Variants in ATE1 observed in about 807,000 individuals in gnomAD.
The protein encoded by ATE1 is arginyltransferase 1.
A neutral mutation model predicts 70.5 loss-of-function variants in ATE1; 36 were observed. The observed-to-expected ratio is 0.51, with a 90% CI of 0.39 to 0.67. ATE1 has a LOEUF of 0.67. Ranked by LOEUF, ATE1 falls within the 30% of genes least tolerant of loss-of-function variation. The probability of loss-of-function intolerance (pLI) is 0.00; values close to 1 mark genes in which losing one functional copy is unlikely to be tolerated. For synonymous variants in ATE1, 232 were observed against 219.3 expected (o/e 1.06, Z -0.51); for missense variants, 593 against 629.5 (o/e 0.94, Z 0.62).
At chr10:121,838,307 T>C (rs1285478508) in intron 9 of ATE1, among the ~76,000 whole-genome samples, 1 of 151,546 alleles carries the variant, frequency 6.6e-6, no homozygotes, top group Non-Finnish European at 1.5e-5. Flanking sequence ...CCTGCGTCCT[T>C]CTCACCAACT....
rs1212409133 is a variant in ATE1, at chr10:121,836,700, T to A, written c.1257+18A>T. On this transcript the variant is annotated intron_variant, in intron 10 of 11. Coordinates refer to ENST00000224652, the MANE Select transcript of ATE1 (RefSeq NM_001001976.3). ...TTTTTCTATAATAAAAATACACATATGTGAAAATCAACTTTACCTTATATT... is the reference window on the plus strand; with the variant it reads ...TTTTTCTATAATAAAAATACACATAAGTGAAAATCAACTTTACCTTATATT... The A allele has an allele frequency of 7.2e-7, 1 of 1,395,490 alleles. No individual in the cohort carries two copies. The highest frequency in any genetic ancestry group is 1.5e-5 in the African/African-American group (1 of 68,096). 86.4% of individuals were successfully genotyped at this position (1,395,490 alleles called of 1,614,324 possible). A position where few individuals can be genotyped will look rare whatever the true frequency, so the allele number is the denominator to read the frequency against.
intron 10 of ATE1, among the ~76,000 whole-genome samples, chr10:121,805,281 A>G (rs1346754506): frequency 6.6e-6 from 1 of 152,234 alleles, no homozygotes; most frequent in Non-Finnish European, 1.5e-5. Context: ...TTTTCTTTCT[A>G]CAACTTGAAG....
At chr10:121,745,695 C>A (rs1320533554) in intron 11 of ATE1, among the ~76,000 whole-genome samples, 7 of 151,836 alleles carry the variant, frequency 4.6e-5, no homozygotes, top group African/African-American at 1.7e-4. Context: ...TCACTGCACT[C>A]CAGCCTGGGC....
intron 10 of ATE1, among the ~76,000 whole-genome samples, chr10:121,791,088 G>A (rs71217552): frequency 0.9 from 126,108 of 139,532 alleles, 56,722 homozygotes; most frequent in South Asian, 0.96. Flanking sequence ...GTGTGTGTGT[G>A]TATATATATT....
chr10:121,773,997 G>A (rs772663795), intron 11 of ATE1, among the ~76,000 whole-genome samples: 1 of 152,214 alleles, frequency 6.6e-6, no homozygotes, highest in East Asian at 1.9e-4. Flanking sequence ...AATTCAAAAC[G>A]TGAAAATGAA....
chr10:121,777,858 A>C (rs967773135), intron 11 of ATE1, among the ~76,000 whole-genome samples: 5 of 152,220 alleles, frequency 3.3e-5, no homozygotes, highest in Non-Finnish European at 7.3e-5. Context: ...GGGAAACTGA[A>C]TACATTAAGT....
chr10:121,897,272 C>T (rs563195693), intron 7 of ATE1, among the ~76,000 whole-genome samples: 86 of 152,284 alleles, frequency 5.6e-4, no homozygotes, highest in Non-Finnish European at 9.3e-4. Flanking sequence ...ATAAATACAC[C>T]GGGCCACAGA....
rs1347056129 is a variant in ATE1, at chr10:121,741,225, G to C, written c.*2455C>G. On this transcript the variant is annotated 3_prime_UTR_variant, in exon 12 of 12. Transcript: ENST00000224652. ...AAGGTGGGTCACTTTTCTTGACTAT[G>C]CTTTTCTAGTCCACTATCAGTATTC... 6.6e-6 allele frequency: 1 copy of C among 152,220 alleles called. No homozygotes were observed. Among genetic ancestry groups the C allele is most frequent in the African/African-American group, 2.4e-5 (1 of 41,468 alleles). The allele number at this position is 152,220 out of a possible 1,614,324, so 9.4% of individuals were successfully genotyped here. A position where few individuals can be genotyped will look rare whatever the true frequency, so the allele number is the denominator to read the frequency against.
At chr10:121,775,249 A>T (rs2135911113) in intron 11 of ATE1, among the ~76,000 whole-genome samples, 1 of 152,316 alleles carries the variant, frequency 6.6e-6, no homozygotes, top group East Asian at 1.9e-4. Flanking sequence ...CCAGTAAAAT[A>T]TACAAAATAT....
intron 8 of ATE1, among the ~76,000 whole-genome samples, chr10:121,845,105 G>A (rs1252519614): frequency 6.6e-6 from 1 of 152,066 alleles, no homozygotes; most frequent in Non-Finnish European, 1.5e-5. Context: ...TATGCTCTGG[G>A]AAACCAAAAA....
intron 8 of ATE1, among the ~76,000 whole-genome samples, chr10:121,860,712 T>C (rs112647354): frequency 7.9e-5 from 12 of 152,362 alleles, no homozygotes; most frequent in African/African-American, 2.9e-4. Flanking sequence ...TAAGTTATTT[T>C]CTTTACTTTG....
intron 8 of ATE1, among the ~76,000 whole-genome samples, chr10:121,845,528 TG>T (rs566292689): frequency 7.2e-4 from 110 of 152,322 alleles, no homozygotes; most frequent in Non-Finnish European, 1.4e-3. Flanking sequence ...AGGGGAAAGC[TG>T]CTGACCTAAG....
At chr10:121,768,120 A>G (rs1945351108) in intron 11 of ATE1, among the ~76,000 whole-genome samples, 1 of 152,218 alleles carries the variant, frequency 6.6e-6, no homozygotes, top group African/African-American at 2.4e-5. Context: ...TGACACCACT[A>G]ATTTTTGGTA....
chr10:121,777,857 AATAC>A (rs1945812427), intron 11 of ATE1, among the ~76,000 whole-genome samples: 1 of 152,226 alleles, frequency 6.6e-6, no homozygotes, highest in Non-Finnish European at 1.5e-5. Context: ...AGGGAAACTG[AATAC>A]ATTAAGTTTG....
chr10:121,834,654 T>A (rs1184725929), intron 10 of ATE1, among the ~76,000 whole-genome samples: 1 of 151,798 alleles, frequency 6.6e-6, no homozygotes, highest in African/African-American at 2.4e-5. Context: ...CAGCAAAACA[T>A]CTTCATGAAG....
intron 11 of ATE1, among the ~76,000 whole-genome samples, chr10:121,772,195 G>A (rs144526937): frequency 2.6e-5 from 4 of 152,294 alleles, no homozygotes; most frequent in African/African-American, 7.2e-5. Flanking sequence ...GGTTTGTGGC[G>A]ATGATCTTCA....
intron 9 of ATE1, among the ~76,000 whole-genome samples, chr10:121,837,105 G>A (rs967975846): frequency 3.9e-5 from 6 of 152,096 alleles, no homozygotes; most frequent in Non-Finnish European, 7.4e-5. Context: ...GAGATCTACA[G>A]TGTCCTGTTA....
At chr10:121,793,713 CTT>C (rs1422263847) in intron 10 of ATE1, among the ~76,000 whole-genome samples, 1 of 152,058 alleles carries the variant, frequency 6.6e-6, no homozygotes, top group African/African-American at 2.4e-5. Flanking sequence ...ATTAAGAACT[CTT>C]TATATATTAA....
intron 8 of ATE1, among the ~76,000 whole-genome samples, chr10:121,858,527 T>A (rs78369301): frequency 0.13 from 19,840 of 150,748 alleles, 1,510 homozygotes; most frequent in East Asian, 0.19. Flanking sequence ...TTAATGTAAA[T>A]CAACAACTTA....
Sources: gnomAD v4.1 joint callset for allele counts (sites outside exome capture counted in the v4.1 genomes callset) on GRCh38, gnomAD v4.1.1 for gene constraint, MANE v1.5 for transcripts, NCBI Gene and HGNC (gene_info 2026-07-23, HGNC 2026-07-21) for gene names.